CENPP: variants seen among roughly 807,000 people sequenced by gnomAD.
CENPP encodes the protein centromere protein P.
CENPP carries 24 observed loss-of-function variants against 35.6 expected under a neutral mutation model. That is an observed-to-expected ratio of 0.67 (90% CI 0.49 to 0.95). The LOEUF is 0.95. Among genes scored for constraint, CENPP ranks in the 40% least tolerant of loss-of-function variants. The probability of loss-of-function intolerance (pLI) is 0.00; values close to 1 mark genes in which losing one functional copy is unlikely to be tolerated. For synonymous variants in CENPP, 120 were observed against 125.5 expected, an observed-to-expected ratio of 0.96 and a Z score of 0.29; for missense variants, 332 against 345.3, an observed-to-expected ratio of 0.96 and a Z score of 0.31.
intron 5 of CENPP, among the ~76,000 whole-genome samples, chr9:92,422,594 C>A (rs1307765146): frequency 6.6e-6 from 1 of 152,200 alleles, no homozygotes; most frequent in Non-Finnish European, 1.5e-5. Context: ...GGAACAATTT[C>A]TCTTCTAAAC....
chr9:92,515,412 T>C (rs907371583), intron 5 of CENPP, among the ~76,000 whole-genome samples: 1 of 152,226 alleles, frequency 6.6e-6, no homozygotes, highest in Non-Finnish European at 1.5e-5. Context: ...TTTATTCACC[T>C]GTGGGCCTTA....
At chr9:92,519,811 T>C (rs1847948951) in intron 5 of CENPP, among the ~76,000 whole-genome samples, 1 of 151,998 alleles carries the variant, frequency 6.6e-6, no homozygotes, top group African/African-American at 2.4e-5. Context: ...AAAGATAAAT[T>C]AGACTTTATC....
At chr9:92,325,678 C>G, upstream of CENPP, 1 of 320,400 alleles carries the variant, frequency 3.1e-6, no homozygotes, top group South Asian at 4.2e-5. Flanking sequence ...CGCGGCCGGG[C>G]GGCTCCAAGG....
At chr9:92,436,573 T>C (rs1234427356) in intron 5 of CENPP, among the ~76,000 whole-genome samples, 1 of 152,234 alleles carries the variant, frequency 6.6e-6, no homozygotes, top group Non-Finnish European at 1.5e-5. Context: ...TTAATTTTTA[T>C]ATAGGGTTTG....
chr9:92,357,504 A>G (rs919328851), intron 4 of CENPP, among the ~76,000 whole-genome samples: 2 of 107,676 alleles, frequency 1.9e-5, no homozygotes, highest in Non-Finnish European at 4.2e-5. Flanking sequence ...TATTATTATT[A>G]TTATTTTGAG....
chr9:92,380,989 A>C (rs62566405), intron 5 of CENPP, among the ~76,000 whole-genome samples: 1,977 of 152,328 alleles, frequency 0.013, 19 homozygotes, highest in Non-Finnish European at 0.019. Context: ...TAGTTATAAA[A>C]TTACTAGGGT....
Position 92,619,354 on chromosome 9 carries a change from G to C in CENPP, c.*6205G>C. 1.4e-6 allele frequency: 1 copy of C among 707,716 alleles called. No homozygotes were observed. The highest frequency in any genetic ancestry group is 2.5e-6 in the Non-Finnish European group (1 of 403,550). 43.8% of individuals were successfully genotyped at this position (707,716 alleles called of 1,614,324 possible). A position where few individuals can be genotyped will look rare whatever the true frequency, so the allele number is the denominator to read the frequency against. Reference sequence around the variant, plus strand: ...TTAGTAAGCCCCATGATGTCACATAGGCCAAGGAAGTTATGTCACTCCGCC... The same window carrying C: ...TTAGTAAGCCCCATGATGTCACATACGCCAAGGAAGTTATGTCACTCCGCC... On this transcript the variant is annotated 3_prime_UTR_variant, in exon 8 of 8. Transcript: ENST00000375587.
At chr9:92,385,793 GA>G (rs752333372) in intron 5 of CENPP, 28 of 1,606,400 alleles carry the variant, frequency 1.7e-5, no homozygotes, top group Non-Finnish European at 2.2e-5. Context: ...TTGTTGAACT[GA>G]AAAAAAACGA....
intron 5 of CENPP, among the ~76,000 whole-genome samples, chr9:92,564,286 G>A (rs551194602): frequency 3.3e-5 from 5 of 152,132 alleles, no homozygotes; most frequent in South Asian, 2.1e-4. Context: ...CTGCTCGGGC[G>A]GCTGAGGCAC....
chr9:92,470,478 C>T (rs1845470783), intron 5 of CENPP, among the ~76,000 whole-genome samples: 1 of 152,158 alleles, frequency 6.6e-6, no homozygotes, highest in Non-Finnish European at 1.5e-5. Context: ...AATAAACATC[C>T]ATTGAATTAG....
chr9:92,332,178 T>C lies in CENPP; in HGVS notation c.116T>C (p.Phe39Ser), dbSNP rs767927228. The C allele has an allele frequency of 1.9e-6, 3 of 1,581,384 alleles. No homozygotes were observed. In the Admixed American group the frequency reaches 5.8e-5, roughly 31 times the overall value. ...WEEKSRVQKS[F>S]QAIHQFNLEG... ...TGATATTTGCCTTTTAGAAAATCTTTTCAAGCCATACACCAATTCAATTTG... is the reference window on the plus strand; with the variant it reads ...TGATATTTGCCTTTTAGAAAATCTTCTCAAGCCATACACCAATTCAATTTG... Residue 39 changes from phenylalanine to serine, a missense_variant, in exon 2 of 8, where the codon TTT becomes TCT. Physicochemically the swap from Phe to Ser is radical, Grantham distance 155. Transcript: ENST00000375587.
chr9:92,416,925 C>T, intron 5 of CENPP: 1 of 1,613,950 alleles, frequency 6.2e-7, no homozygotes, highest in Non-Finnish European at 8.5e-7. Flanking sequence ...ATTAGTTTTT[C>T]CATTTTGGCA....
rs1481376356 is a variant in CENPP, at chr9:92,619,550, C to T, written c.*6401C>T. The stretch of plus-strand genomic sequence containing the variant: ...GAGCAGTCCTTGGCAGTCATGGCGA[C>T]GCGGTACTGCTGCACCTGCAGGGGC... On this transcript the variant is annotated 3_prime_UTR_variant, in exon 8 of 8. Coordinates refer to ENST00000375587, the MANE Select transcript of CENPP (RefSeq NM_001012267.3). 9.5e-6 allele frequency: 15 copies of T among 1,585,992 alleles called. No individual in the cohort carries two copies. The highest frequency in any genetic ancestry group is 9.1e-5 in the Admixed American group (5 of 54,956).
chr9:92,405,961 T>A (rs1843292482), intron 5 of CENPP, among the ~76,000 whole-genome samples: 1 of 152,110 alleles, frequency 6.6e-6, no homozygotes, highest in Non-Finnish European at 1.5e-5. Flanking sequence ...AGCCTCTAAG[T>A]CAGCAGGAAA....
At chr9:92,517,885 A>C in intron 5 of CENPP, 5 of 1,613,360 alleles carry the variant, frequency 3.1e-6, no homozygotes, top group Non-Finnish European at 4.2e-6. Flanking sequence ...CCTAGAAGAA[A>C]ACAAAAGCAC....
chr9:92,436,683 A>G (rs1361563959), intron 5 of CENPP, among the ~76,000 whole-genome samples: 2 of 152,110 alleles, frequency 1.3e-5, no homozygotes, highest in Admixed American at 6.6e-5. Flanking sequence ...TCAAAAATCA[A>G]TTGTCTGCAC....
At chr9:92,608,927 G>GC (rs1851157029) in intron 5 of CENPP, among the ~76,000 whole-genome samples, 1 of 152,214 alleles carries the variant, frequency 6.6e-6, no homozygotes, top group African/African-American at 2.4e-5. Context: ...TGTGCTTGGA[G>GC]GCTGAACCTC....
intron 2 of CENPP, among the ~76,000 whole-genome samples, chr9:92,332,589 C>T (rs561235682): frequency 3.9e-5 from 6 of 152,288 alleles, no homozygotes; most frequent in African/African-American, 1.4e-4. Context: ...ATGCAGATCA[C>T]CTGAGGTCAG....
chr9:92,486,191 T>A (rs968379449), intron 5 of CENPP, among the ~76,000 whole-genome samples: 4 of 152,164 alleles, frequency 2.6e-5, no homozygotes, highest in Non-Finnish European at 4.4e-5. Flanking sequence ...ACACCCACTT[T>A]AAGAATGTTC....
Sources: gnomAD v4.1 joint callset for allele counts (sites outside exome capture counted in the v4.1 genomes callset) on GRCh38, gnomAD v4.1.1 for gene constraint, MANE v1.5 for transcripts, NCBI Gene and HGNC (gene_info 2026-07-23, HGNC 2026-07-21) for gene names.